SLC8A1: variants seen among roughly 807,000 people sequenced by gnomAD.
SLC8A1 encodes sodium/calcium exchanger 1.
In SLC8A1, 18 loss-of-function variants were observed where a neutral mutation model predicts 68.3. The ratio of observed to expected loss-of-function variants is 0.26; its 90% CI spans 0.18 to 0.39. SLC8A1 has a LOEUF of 0.39. Among genes scored for constraint, SLC8A1 ranks in the 10% least tolerant of loss-of-function variants. SLC8A1 has a pLI of 1.00. For synonymous variants in SLC8A1, 475 were observed against 415.5 expected, an observed-to-expected ratio of 1.14 and a Z score of -1.74; for missense variants, 985 against 1,156.7, an observed-to-expected ratio of 0.85 and a Z score of 2.15.
intron 2 of SLC8A1, among the ~76,000 whole-genome samples, chr2:40,321,591 A>G (rs754963092): frequency 7.2e-5 from 11 of 152,120 alleles, no homozygotes; most frequent in Non-Finnish European, 1.3e-4. Context: ...GAAACTTATA[A>G]TCATGGCAGA....
intron 1 of SLC8A1, among the ~76,000 whole-genome samples, chr2:40,464,962 T>G (rs2149897117): frequency 1.3e-5 from 2 of 152,016 alleles, no homozygotes; most frequent in Admixed American, 1.3e-4. Flanking sequence ...CCACAAGAGG[T>G]GTTCTCTCCT....
intron 2 of SLC8A1, among the ~76,000 whole-genome samples, chr2:40,311,420 G>C (rs1030650226): frequency 1.1e-4 from 15 of 137,658 alleles, no homozygotes; most frequent in African/African-American, 4.2e-4. Flanking sequence ...CTTCAGATTA[G>C]TCAAAAAATT....
chr2:40,372,080 C>G (rs957004861), intron 2 of SLC8A1, among the ~76,000 whole-genome samples: 1 of 152,014 alleles, frequency 6.6e-6, no homozygotes. Flanking sequence ...TATGATAAAC[C>G]CCTCTTAATG....
chr2:40,344,094 C>A (rs1383291296), intron 2 of SLC8A1, among the ~76,000 whole-genome samples: 1 of 152,058 alleles, frequency 6.6e-6, no homozygotes, highest in East Asian at 1.9e-4. Flanking sequence ...AGGAAAGCTT[C>A]CAGGGAAAAT....
intron 1 of SLC8A1, among the ~76,000 whole-genome samples, chr2:40,476,616 G>A (rs749763026): frequency 5.9e-5 from 9 of 152,158 alleles, no homozygotes; most frequent in Non-Finnish European, 1.3e-4. Flanking sequence ...CTGGGCAGAG[G>A]TCATGGAAAA....
intron 2 of SLC8A1, chr2:40,177,978 C>A: frequency 1.5e-6 from 1 of 685,646 alleles, no homozygotes; most frequent in Non-Finnish European, 2.6e-6. Context: ...CATGGGCCTC[C>A]TGAAGTATGT....
intron 2 of SLC8A1, among the ~76,000 whole-genome samples, chr2:40,305,158 TGCAATTTCCACA>T (rs1168635920): frequency 1.3e-5 from 2 of 152,324 alleles, no homozygotes; most frequent in Non-Finnish European, 2.9e-5. Flanking sequence ...TTTGCTGGCC[TGCAATTTCCACA>T]GCAGTTTCAC....
chr2:40,395,061 G>A (rs1330587809), intron 2 of SLC8A1, among the ~76,000 whole-genome samples: 1 of 152,162 alleles, frequency 6.6e-6, no homozygotes, highest in African/African-American at 2.4e-5. Context: ...ACAGACCACT[G>A]ATGTCCAGAA....
chr2:40,349,401 CA>C (rs936915767), intron 2 of SLC8A1, among the ~76,000 whole-genome samples: 18 of 152,000 alleles, frequency 1.2e-4, no homozygotes, highest in Non-Finnish European at 2.6e-4. Context: ...AATGTTATTT[CA>C]AAAAAATACT....
chr2:40,258,883 C>A (rs542472130), intron 2 of SLC8A1, among the ~76,000 whole-genome samples: 1 of 151,570 alleles, frequency 6.6e-6, no homozygotes, highest in East Asian at 1.9e-4. Flanking sequence ...AAAACCCAAT[C>A]TTCCTGATGA....
At chr2:40,453,665 T>A (rs1440989932), upstream of SLC8A1, among the ~76,000 whole-genome samples, 1 of 152,218 alleles carries the variant, frequency 6.6e-6, no homozygotes, top group Non-Finnish European at 1.5e-5. Flanking sequence ...TTAAGATGCC[T>A]GGTTGATTCC....
intron 2 of SLC8A1, among the ~76,000 whole-genome samples, chr2:40,267,577 C>A (rs894015702): frequency 1.3e-5 from 2 of 152,172 alleles, no homozygotes; most frequent in Non-Finnish European, 2.9e-5. Flanking sequence ...TATTGACTGT[C>A]TATCCCAGCA....
intron 2 of SLC8A1, among the ~76,000 whole-genome samples, chr2:40,372,618 G>C (rs1238750904): frequency 6.6e-6 from 1 of 151,964 alleles, no homozygotes; most frequent in Non-Finnish European, 1.5e-5. Flanking sequence ...ACTTCTTTTG[G>C]CCTTTAGGCT....
chr2:40,447,661 T>A (rs968076195), intron 1 of SLC8A1, among the ~76,000 whole-genome samples: 31 of 152,000 alleles, frequency 2.0e-4, no homozygotes, highest in Non-Finnish European at 4.4e-4. Context: ...CCTTCTCGGA[T>A]AATATTTCAT....
At chr2:40,161,031 G>T (rs1339802431) in intron 5 of SLC8A1, among the ~76,000 whole-genome samples, 167 bp from the exon 9 acceptor site, 2 of 152,134 alleles carry the variant, frequency 1.3e-5, no homozygotes, top group Non-Finnish European at 2.9e-5. Context: ...AAACAAGCAT[G>T]GTCCTTAGTT....
intron 2 of SLC8A1, among the ~76,000 whole-genome samples, chr2:40,259,112 C>A (rs911920305): frequency 2.1e-4 from 32 of 152,134 alleles, no homozygotes; most frequent in African/African-American, 7.2e-4. Flanking sequence ...AGGCAGTCTC[C>A]AACGTAGATT....
intron 7 of SLC8A1, 67 bp from the exon 11 acceptor site, chr2:40,115,696 C>T (rs1201824974): frequency 6.5e-7 from 1 of 1,547,260 alleles, no homozygotes; most frequent in African/African-American, 1.4e-5. Flanking sequence ...GTGCTGCAAG[C>T]TTCAGCTGTG....
intron 2 of SLC8A1, among the ~76,000 whole-genome samples, chr2:40,238,212 C>G (rs561390745): frequency 1.4e-4 from 22 of 152,120 alleles, no homozygotes; most frequent in African/African-American, 4.8e-4. Flanking sequence ...GCCTCGCTGC[C>G]GCCTTGCAGT....
intron 1 of SLC8A1, among the ~76,000 whole-genome samples, chr2:40,473,968 C>T (rs1704137788): frequency 6.6e-6 from 1 of 152,040 alleles, no homozygotes; most frequent in Admixed American, 6.6e-5. Context: ...CGAAAACTTG[C>T]CAAAAATGTA....
Sources: allele counts gnomAD v4.1 joint callset (sites outside exome capture counted in the v4.1 genomes callset), GRCh38; gene constraint gnomAD v4.1.1; transcripts MANE v1.5; gene names NCBI Gene and HGNC (gene_info 2026-07-23, HGNC 2026-07-21).